Variants in SORCS1 observed in about 807,000 individuals in gnomAD.
The protein encoded by SORCS1 is VPS10 domain-containing receptor SorCS1.
A neutral mutation model predicts 146.1 loss-of-function variants in SORCS1; 60 were observed. The ratio of observed to expected loss-of-function variants is 0.41; its 90% CI spans 0.33 to 0.51. SORCS1 has a LOEUF of 0.51. Ranked by LOEUF, SORCS1 falls within the 20% of genes least tolerant of loss-of-function variation. The probability of loss-of-function intolerance (pLI) is 0.21; values close to 1 mark genes in which losing one functional copy is unlikely to be tolerated. For synonymous variants in SORCS1, 637 were observed against 584.0 expected, an observed-to-expected ratio of 1.09 and a Z score of -1.31; for missense variants, 1,352 against 1,487.6, an observed-to-expected ratio of 0.91 and a Z score of 1.50.
At chr10:106,728,972 C>T (rs529124947) in intron 6 of SORCS1, among the ~76,000 whole-genome samples, 7 of 152,232 alleles carry the variant, frequency 4.6e-5, no homozygotes, top group Admixed American at 1.3e-4. Context: ...TATACAGTTT[C>T]CCCCTTTTCT....
intron 1 of SORCS1, among the ~76,000 whole-genome samples, chr10:106,978,642 A>G (rs989981942): frequency 6.6e-6 from 1 of 152,098 alleles, no homozygotes; most frequent in Non-Finnish European, 1.5e-5. Context: ...TGCTAAAAAT[A>G]CAAAAATTAG....
chr10:106,585,325 C>T (rs1291237394), intron 24 of SORCS1, among the ~76,000 whole-genome samples: 4 of 152,028 alleles, frequency 2.6e-5, no homozygotes, highest in East Asian at 3.9e-4. Flanking sequence ...TTGAGAATAC[C>T]GCATAGCAGG....
At chr10:107,077,210 T>G (rs950672351) in intron 1 of SORCS1, among the ~76,000 whole-genome samples, 1 of 152,200 alleles carries the variant, frequency 6.6e-6, no homozygotes, top group Non-Finnish European at 1.5e-5. Flanking sequence ...GTATATGGTT[T>G]AGCCATTTTT....
intron 1 of SORCS1, among the ~76,000 whole-genome samples, chr10:107,087,028 A>AAAAC (rs1375443207): frequency 6.6e-6 from 1 of 152,236 alleles, no homozygotes; most frequent in Non-Finnish European, 1.5e-5. Context: ...ACTTCGTCTC[A>AAAAC]AAACAAACAA....
At chr10:106,924,287 A>T (rs2138457598) in intron 2 of SORCS1, among the ~76,000 whole-genome samples, 2 of 152,244 alleles carry the variant, frequency 1.3e-5, no homozygotes, top group Admixed American at 1.3e-4. Context: ...TTTAATTAAA[A>T]ACAATTTGCT....
At position 107,122,687 on chromosome 10, in the gene SORCS1, CT is replaced by C. The variant is rs1207945380; in HGVS notation, c.558+41281del. Among the ~76,000 whole-genome samples, 4 of 152,086 alleles carry C rather than the reference CT, an allele frequency of 2.6e-5. No homozygotes were observed. The East Asian group carries it at 7.7e-4, about 29-fold the overall frequency. ...GTCATTATAAAATGTCTATCATCTC[CT>C]TACGGACTAAAAGCAGGAAAGAAAA... On this transcript the variant is annotated intron_variant, in intron 1 of 25. Transcript: ENST00000263054.
intron 18 of SORCS1, among the ~76,000 whole-genome samples, chr10:106,647,754 T>C (rs537458974): frequency 3.5e-4 from 53 of 152,350 alleles, no homozygotes; most frequent in African/African-American, 1.2e-3. Flanking sequence ...TTTTTCACAA[T>C]GTTGGTTTAG....
chr10:106,753,305 G>T (rs555386121), intron 5 of SORCS1, among the ~76,000 whole-genome samples: 1 of 152,086 alleles, frequency 6.6e-6, no homozygotes, highest in African/African-American at 2.4e-5. Flanking sequence ...GCCATCTCGC[G>T]CCACATTCTC....
intron 2 of SORCS1, among the ~76,000 whole-genome samples, chr10:106,841,577 A>G (rs1949044365): frequency 6.6e-6 from 1 of 152,224 alleles, no homozygotes; most frequent in African/African-American, 2.4e-5. Context: ...ATGCACTGAG[A>G]AAGCAAAAAT....
chr10:107,045,646 G>A (rs2134015655), intron 1 of SORCS1, among the ~76,000 whole-genome samples: 1 of 152,140 alleles, frequency 6.6e-6, no homozygotes, highest in African/African-American at 2.4e-5. Context: ...ACAGTTTTAA[G>A]GGGCCATGCC....
At chr10:106,835,689 C>G (rs116960940) in intron 2 of SORCS1, among the ~76,000 whole-genome samples, 1,544 of 152,246 alleles carry the variant, frequency 0.01, 12 homozygotes, top group Middle Eastern at 0.017. Flanking sequence ...AATTCCATTT[C>G]TGAATAGACC....
chr10:106,605,668 G>A (rs1846524748), intron 23 of SORCS1, among the ~76,000 whole-genome samples: 1 of 152,178 alleles, frequency 6.6e-6, no homozygotes, highest in Admixed American at 6.5e-5. Flanking sequence ...ATGGGAAGCT[G>A]AGGTGGGGAG....
At chr10:106,596,751 C>T (rs1845928907) in intron 24 of SORCS1, among the ~76,000 whole-genome samples, 1 of 152,136 alleles carries the variant, frequency 6.6e-6, no homozygotes, top group African/African-American at 2.4e-5. Flanking sequence ...AGAAAGACCC[C>T]CACAAATGTA....
intron 10 of SORCS1, among the ~76,000 whole-genome samples, chr10:106,681,087 A>G (rs1219642801): frequency 6.6e-6 from 1 of 152,222 alleles, no homozygotes; most frequent in Non-Finnish European, 1.5e-5. Context: ...ATAATGTTCT[A>G]TAGGACTAAA....
At chr10:106,716,416 G>GATGTTAAAATCAGACT (rs1178814282) in intron 6 of SORCS1, among the ~76,000 whole-genome samples, 7 of 152,170 alleles carry the variant, frequency 4.6e-5, no homozygotes, top group Admixed American at 3.9e-4. Flanking sequence ...AAACAAAACG[G>GATGTTAAAATCAGACT]ATGTTAAAAA....
intron 1 of SORCS1, among the ~76,000 whole-genome samples, chr10:107,120,825 T>A (rs1295994817): frequency 6.6e-6 from 1 of 152,150 alleles, no homozygotes; most frequent in Admixed American, 6.5e-5. Context: ...TCCCTTCTTG[T>A]AACATGCTCC....
intron 1 of SORCS1, among the ~76,000 whole-genome samples, chr10:107,050,158 A>G (rs746313136): frequency 2.1e-4 from 32 of 152,182 alleles, no homozygotes; most frequent in Non-Finnish European, 4.0e-4. Context: ...AAACAGATAT[A>G]TTTGTTAGTT....
intron 2 of SORCS1, among the ~76,000 whole-genome samples, chr10:106,913,526 A>G (rs1001474418): frequency 6.6e-6 from 1 of 152,226 alleles, no homozygotes; most frequent in African/African-American, 2.4e-5. Context: ...GAATGAGCAC[A>G]GGATGAAATG....
At chr10:106,867,361 T>C (rs1589591632) in intron 2 of SORCS1, among the ~76,000 whole-genome samples, 1 of 151,896 alleles carries the variant, frequency 6.6e-6, no homozygotes, top group Admixed American at 6.6e-5. Flanking sequence ...CTCGGCTCAC[T>C]GCAAGTTCTG....
Sources: allele counts gnomAD v4.1 joint callset (sites outside exome capture counted in the v4.1 genomes callset), GRCh38; gene constraint gnomAD v4.1.1; transcripts MANE v1.5; gene names NCBI Gene and HGNC (gene_info 2026-07-23, HGNC 2026-07-21).